AGBL4: variants seen among roughly 807,000 people sequenced by gnomAD.
AGBL4 encodes the protein AGBL carboxypeptidase 4.
Under a neutral mutation model 66.4 loss-of-function variants are expected in AGBL4, and 58 were observed. The observed-to-expected ratio is 0.87, with a 90% CI of 0.71 to 1.09. The LOEUF (loss-of-function observed/expected upper bound fraction) is 1.09. AGBL4 is among the 50% of genes least tolerant of loss of function. The probability of loss-of-function intolerance (pLI) is 0.00; values close to 1 mark genes in which losing one functional copy is unlikely to be tolerated. For synonymous variants in AGBL4, 234 were observed against 222.9 expected (o/e 1.05, Z -0.44); for missense variants, 579 against 631.0 (o/e 0.92, Z 0.88).
chr1:48,793,347 C>T (rs966866133), intron 6 of AGBL4, among the ~76,000 whole-genome samples: 3 of 152,176 alleles, frequency 2.0e-5, no homozygotes, highest in African/African-American at 7.2e-5. Flanking sequence ...TTTCATTTCA[C>T]ATATTAAATC....
intron 4 of AGBL4, among the ~76,000 whole-genome samples, chr1:49,195,289 T>C (rs1647207471): frequency 6.6e-6 from 1 of 152,224 alleles, no homozygotes. Context: ...AATGTGAATA[T>C]TGATCTTTTA....
At chr1:49,911,964 T>A (rs1374201685) in intron 1 of AGBL4, among the ~76,000 whole-genome samples, 1 of 151,984 alleles carries the variant, frequency 6.6e-6, no homozygotes, top group African/African-American at 2.4e-5. Flanking sequence ...AGCCCAGGAG[T>A]ATGAGATTCC....
At chr1:49,114,301 C>T (rs1057241762) in intron 4 of AGBL4, among the ~76,000 whole-genome samples, 3 of 152,164 alleles carry the variant, frequency 2.0e-5, no homozygotes, top group African/African-American at 7.2e-5. Flanking sequence ...TATGAACCAA[C>T]CTCTGCTAAC....
At chr1:48,839,295 G>A (rs1180946656) in intron 6 of AGBL4, among the ~76,000 whole-genome samples, 2 of 152,030 alleles carry the variant, frequency 1.3e-5, no homozygotes, top group African/African-American at 2.4e-5. Context: ...ATTAAAGAAC[G>A]GATGGATAAA....
chr1:49,512,344 T>C lies in AGBL4; in HGVS notation c.282+184969A>G, dbSNP rs139722210. On this transcript the variant is annotated intron_variant, in intron 3 of 13. Transcript: ENST00000371839. ...GCATCTGCTTTTTCCAAATACAAAA[T>C]TGAAATATTAATACTTGCCTCATAG... Among the ~76,000 whole-genome samples the C allele has an allele frequency of 4.8e-3, 730 of 152,102 alleles. 9 individuals are homozygous for C. Among genetic ancestry groups the C allele is most frequent in the African/African-American group, 0.017 (702 of 41,538 alleles).
At chr1:49,182,887 C>T (rs1646953658) in intron 4 of AGBL4, among the ~76,000 whole-genome samples, 1 of 152,144 alleles carries the variant, frequency 6.6e-6, no homozygotes, top group Admixed American at 6.5e-5. Flanking sequence ...TAAATACTTT[C>T]AAGATTGAAA....
intron 5 of AGBL4, among the ~76,000 whole-genome samples, chr1:48,930,657 T>A (rs1207551966): frequency 6.6e-6 from 1 of 152,198 alleles, no homozygotes; most frequent in East Asian, 1.9e-4. Context: ...AGGAGTTAGA[T>A]GAGTAAATGC....
At position 49,355,724 on chromosome 1, in the gene AGBL4, C is replaced by CATTAAATT. The variant is rs1050655835; in HGVS notation, c.283-109868_283-109861dup. Among the ~76,000 whole-genome samples, 7 of 152,190 alleles carry CATTAAATT rather than the reference C, an allele frequency of 4.6e-5. 1 individual carries two copies. The highest frequency in any genetic ancestry group is 1.7e-4 in the African/African-American group (7 of 41,452). On this transcript the variant is annotated intron_variant, in intron 3 of 13. Transcript: ENST00000371839. ...ATACTTTTTTGCTATTCTTCAAAGA[C>CATTAAATT]ATTAAATTTTTTCAGCCTTAGGACC...
At chr1:49,612,015 A>C (rs1020164148) in intron 3 of AGBL4, among the ~76,000 whole-genome samples, 2 of 152,238 alleles carry the variant, frequency 1.3e-5, no homozygotes, top group Non-Finnish European at 2.9e-5. Flanking sequence ...GTGTCTGAGA[A>C]AGTTAAAAGC....
At chr1:49,977,349 T>C (rs1453608544) in intron 1 of AGBL4, among the ~76,000 whole-genome samples, 2 of 152,192 alleles carry the variant, frequency 1.3e-5, no homozygotes, top group African/African-American at 2.4e-5. Flanking sequence ...CCATCTTCCA[T>C]GAGCTTCACC....
At chr1:49,710,673 A>T (rs1320889507) in intron 2 of AGBL4, among the ~76,000 whole-genome samples, 4 of 151,742 alleles carry the variant, frequency 2.6e-5, no homozygotes, top group Non-Finnish European at 4.4e-5. Context: ...GTAGGCAAAG[A>T]TTTCTTAGAA....
At chr1:49,005,170 C>G (rs1661688826) in intron 5 of AGBL4, among the ~76,000 whole-genome samples, 1 of 152,128 alleles carries the variant, frequency 6.6e-6, no homozygotes, top group Non-Finnish European at 1.5e-5. Context: ...GGCTATTTAT[C>G]AAAACCACAA....
At chr1:49,437,080 G>A (rs990910042) in intron 3 of AGBL4, among the ~76,000 whole-genome samples, 3 of 152,098 alleles carry the variant, frequency 2.0e-5, no homozygotes, top group Non-Finnish European at 4.4e-5. Flanking sequence ...ATGGGCCCAG[G>A]GTTGGGTATC....
At chr1:49,881,306 G>C (rs1333127148) in intron 1 of AGBL4, among the ~76,000 whole-genome samples, 1 of 152,102 alleles carries the variant, frequency 6.6e-6, no homozygotes, top group Non-Finnish European at 1.5e-5. Flanking sequence ...CATTTGGGTT[G>C]GTTCCAAGTC....
At chr1:50,002,666 G>A (rs1331255570) in intron 1 of AGBL4, among the ~76,000 whole-genome samples, 1 of 152,134 alleles carries the variant, frequency 6.6e-6, no homozygotes, top group African/African-American at 2.4e-5. Flanking sequence ...ACCGCGCCCG[G>A]CCAGCCCTAG....
intron 3 of AGBL4, among the ~76,000 whole-genome samples, chr1:49,295,528 T>C (rs1293315245): frequency 6.6e-6 from 1 of 152,170 alleles, no homozygotes; most frequent in Non-Finnish European, 1.5e-5. Flanking sequence ...CAACATAGTG[T>C]AGTGGAGGAA....
At chr1:49,165,304 T>C (rs895925030) in intron 4 of AGBL4, among the ~76,000 whole-genome samples, 2 of 152,082 alleles carry the variant, frequency 1.3e-5, no homozygotes, top group African/African-American at 4.8e-5. Context: ...AAGAAAATAA[T>C]ATGAGGAGAG....
chr1:49,517,344 T>C (rs1299501549), intron 3 of AGBL4, among the ~76,000 whole-genome samples: 2 of 151,718 alleles, frequency 1.3e-5, no homozygotes, highest in African/African-American at 4.8e-5. Flanking sequence ...ATTACCAGGG[T>C]AGAAATGGGT....
At chr1:49,325,010 T>C (rs1645200826) in intron 3 of AGBL4, among the ~76,000 whole-genome samples, 1 of 152,212 alleles carries the variant, frequency 6.6e-6, no homozygotes, top group Non-Finnish European at 1.5e-5. Context: ...TCTTAATATA[T>C]CAGCACTCTT....
Sources: gnomAD v4.1 joint callset for allele counts (sites outside exome capture counted in the v4.1 genomes callset) on GRCh38, gnomAD v4.1.1 for gene constraint, MANE v1.5 for transcripts, NCBI Gene and HGNC (gene_info 2026-07-23, HGNC 2026-07-21) for gene names.